DMD: variants seen among roughly 807,000 people sequenced by gnomAD.
DMD encodes mutant dystrophin.
DMD carries 63 observed loss-of-function variants against 330.1 expected under a neutral mutation model. The ratio of observed to expected loss-of-function variants is 0.19; its 90% CI spans 0.16 to 0.24. The LOEUF (loss-of-function observed/expected upper bound fraction) is 0.24, where lower values mean the gene tolerates loss of function less well. DMD is among the 10% of genes least tolerant of loss of function. The probability of loss-of-function intolerance (pLI) is 1.00; values close to 1 mark genes in which losing one functional copy is unlikely to be tolerated. For synonymous variants in DMD, 1,223 were observed against 959.8 expected, an observed-to-expected ratio of 1.27 and a Z score of -5.07; for missense variants, 3,344 against 2,684.1, an observed-to-expected ratio of 1.25 and a Z score of -5.43.
chrX:32,713,012 C>T (rs1202146824), intron 7 of DMD, among the ~76,000 whole-genome samples: 1 of 111,123 alleles, frequency 9.0e-6, no homozygotes, highest in African/African-American at 3.3e-5. Flanking sequence ...TGAAATGTCA[C>T]CCTAATTGTG....
At chrX:33,054,233 T>C (rs896102003) in intron 1 of DMD, among the ~76,000 whole-genome samples, 3 of 111,900 alleles carry the variant, frequency 2.7e-5, no homozygotes, top group African/African-American at 9.8e-5. Flanking sequence ...ACGTGCAAAA[T>C]ATGTTTGGCA....
chrX:31,201,840 G>A lies in DMD; in HGVS notation c.9807+2121C>T, dbSNP rs1000910479. ...CCCAAGTCACAATGCACACACATAT[G>A]TTTATATATCCCTATATATGAACAC... On this transcript the variant is annotated intron_variant, in intron 67 of 78. Coordinates refer to ENST00000357033, the MANE Select transcript of DMD (RefSeq NM_004006.3). Among the ~76,000 whole-genome samples the A allele has an allele frequency of 3.6e-5, 4 of 112,233 alleles. No homozygotes were observed. The East Asian group carries it at 1.1e-3, about 31-fold the overall frequency.
intron 44 of DMD, among the ~76,000 whole-genome samples, chrX:32,123,121 T>C (rs1351438973): frequency 1.0e-5 from 1 of 99,922 alleles, no homozygotes; most frequent in Non-Finnish European, 2.0e-5. Context: ...AAATGTGTGT[T>C]CATCTTGTAT....
chrX:31,379,385 T>C (rs150251832), intron 60 of DMD, among the ~76,000 whole-genome samples: 9,331 of 110,879 alleles, frequency 0.084, 330 homozygotes, highest in South Asian at 0.17. Flanking sequence ...CCAAATCAGA[T>C]AGCGTTTAGG....
intron 60 of DMD, among the ~76,000 whole-genome samples, chrX:31,387,473 C>T (rs746441925): frequency 9.0e-6 from 1 of 111,006 alleles, no homozygotes; most frequent in East Asian, 2.8e-4. Flanking sequence ...AATCTTGGCT[C>T]ACTGCATCCT....
chrX:31,950,015 T>C (rs1014448596), intron 45 of DMD, among the ~76,000 whole-genome samples: 1 of 110,858 alleles, frequency 9.0e-6, no homozygotes, highest in Non-Finnish European at 1.9e-5. Context: ...CTAACCCCCG[T>C]TATTTCCTTC....
intron 7 of DMD, among the ~76,000 whole-genome samples, chrX:32,777,942 C>A (rs1260968034): frequency 8.9e-6 from 1 of 112,127 alleles, no homozygotes; most frequent in East Asian, 2.8e-4. Flanking sequence ...TATACCCATG[C>A]ACATGAGCAC....
At chrX:32,252,771 T>TAAATATAC (rs2097275405) in intron 43 of DMD, among the ~76,000 whole-genome samples, 1 of 53,236 alleles carries the variant, frequency 1.9e-5, no homozygotes. Flanking sequence ...TAAATATATA[T>TAAATATAC]AAATATATAT....
At chrX:33,298,311 A>T (rs2148935869) in intron 1 of DMD, among the ~76,000 whole-genome samples, 1 of 111,749 alleles carries the variant, frequency 8.9e-6, no homozygotes, top group South Asian at 3.7e-4. Flanking sequence ...ATTCTTACTC[A>T]AAATTTAATT....
At chrX:32,787,391 G>T (rs2075475941) in intron 7 of DMD, among the ~76,000 whole-genome samples, 1 of 110,538 alleles carries the variant, frequency 9.0e-6, no homozygotes, top group African/African-American at 3.3e-5. Context: ...CCAGCTGTGA[G>T]CCAGCAGTAT....
In DMD at chrX:32,529,378, A is replaced by AATTT. The variant is rs1569139194; in HGVS notation, c.2169-11248_2169-11247insAAAT. 1.2e-3 allele frequency among the ~76,000 whole-genome samples: 87 copies of AATTT among 73,056 alleles called. 2 individuals are homozygous for AATTT. The highest frequency in any genetic ancestry group is 4.4e-3 in the African/African-American group (82 of 18,444). The allele number at this position is 73,056 out of a possible 115,157, so 63.4% of individuals were successfully genotyped here. A position where few individuals can be genotyped will look rare whatever the true frequency, so the allele number is the denominator to read the frequency against. On this transcript the variant is annotated intron_variant, in intron 17 of 78. Transcript: ENST00000357033. ...GCGAATTCCACCTTGGCAAAAATCA[A>AATTT]CTTTTTTTTTTTTTTTTTTTTTTTT...
chrX:32,730,988 C>T (rs2067535763), intron 7 of DMD, among the ~76,000 whole-genome samples: 1 of 111,717 alleles, frequency 9.0e-6, no homozygotes. Context: ...TCTGCATTTC[C>T]ATCTGAGGTA....
intron 2 of DMD, among the ~76,000 whole-genome samples, chrX:32,852,085 A>G (rs113359439): frequency 0.01 from 1,125 of 111,786 alleles, 15 homozygotes; most frequent in African/African-American, 0.034. Flanking sequence ...GTACCACCCC[A>G]TCCTCTAACC....
chrX:33,188,691 G>T (rs1314056251), intron 1 of DMD, among the ~76,000 whole-genome samples: 1 of 111,860 alleles, frequency 8.9e-6, no homozygotes, highest in Non-Finnish European at 1.9e-5. Context: ...CTTGTTATGG[G>T]CTAAATTGCC....
intron 44 of DMD, among the ~76,000 whole-genome samples, chrX:32,072,381 A>G (rs918892359): frequency 9.9e-5 from 11 of 110,846 alleles, no homozygotes. Flanking sequence ...TATATAGTGA[A>G]CAAAGATTTT....
intron 1 of DMD, among the ~76,000 whole-genome samples, chrX:33,152,590 A>G (rs2048333341): frequency 9.1e-6 from 1 of 109,793 alleles, no homozygotes; most frequent in South Asian, 3.9e-4. Context: ...AGCGTGTATT[A>G]AAGTGTGTGG....
At chrX:31,811,018 A>G (rs768458401) in intron 50 of DMD, among the ~76,000 whole-genome samples, 3 of 112,104 alleles carry the variant, frequency 2.7e-5, no homozygotes, top group Non-Finnish European at 5.6e-5. Flanking sequence ...TCTAATCATC[A>G]GAATTGATGT....
At chrX:31,221,963 A>C (rs112301265) in intron 64 of DMD, among the ~76,000 whole-genome samples, 11,860 of 109,676 alleles carry the variant, frequency 0.11, 1,525 homozygotes, top group African/African-American at 0.37. Context: ...GAGGCCGAGG[A>C]GGGCGGATCA....
chrX:33,250,085 T>TTTTATATATA (rs1484050730), intron 1 of DMD, among the ~76,000 whole-genome samples: 1 of 75,436 alleles, frequency 1.3e-5, no homozygotes, highest in African/African-American at 7.2e-5. Context: ...AAACTATTCA[T>TTTTATATATA]TATATATATA....
Sources: gnomAD v4.1 joint callset for allele counts (sites outside exome capture counted in the v4.1 genomes callset) on GRCh38, gnomAD v4.1.1 for gene constraint, MANE v1.5 for transcripts, NCBI Gene and HGNC (gene_info 2026-07-23, HGNC 2026-07-21) for gene names.